The following DPYD variants were observed in gnomAD, a reference collection of about 807,000 sequenced individuals.
DPYD encodes dihydropyrimidine dehydrogenase, also known as dihydropyrimidine dehydrogenase [NADP(+)].
In DPYD, 109 loss-of-function variants were observed where a neutral mutation model predicts 116.2. The observed-to-expected ratio is 0.94, with a 90% confidence interval of 0.80 to 1.10. The LOEUF (loss-of-function observed/expected upper bound fraction) is 1.10, where lower values mean the gene tolerates loss of function less well. DPYD is among the 50% of genes least tolerant of loss of function. DPYD has a pLI of 0.00. For missense variants in DPYD, 1,302 were observed against 1,254.5 expected, an observed-to-expected ratio of 1.04 and a Z score of -0.57; for synonymous variants, 440 against 432.0, an observed-to-expected ratio of 1.02 and a Z score of -0.23.
chr1:97,612,074 A>C (rs2100750030), intron 8 of DPYD, among the ~76,000 whole-genome samples: 1 of 152,188 alleles, frequency 6.6e-6, no homozygotes, highest in South Asian at 2.1e-4. Context: ...TTTAGGATGT[A>C]TCCTATTTCC....
intron 12 of DPYD, among the ~76,000 whole-genome samples, chr1:97,517,681 A>G (rs1427245959): frequency 6.6e-6 from 1 of 152,110 alleles, no homozygotes; most frequent in East Asian, 1.9e-4. Context: ...TGTAAATTCA[A>G]TCAAGCAAGT....
intron 20 of DPYD, among the ~76,000 whole-genome samples, chr1:97,112,207 C>T (rs758132861): frequency 3.3e-5 from 5 of 151,934 alleles, no homozygotes; most frequent in Non-Finnish European, 7.4e-5. Flanking sequence ...CTTAATATTA[C>T]GATATAGTAA....
intron 16 of DPYD, among the ~76,000 whole-genome samples, chr1:97,357,621 G>A (rs529532104): frequency 6.6e-6 from 1 of 152,196 alleles, no homozygotes; most frequent in East Asian, 1.9e-4. Context: ...TGAGTTTTCT[G>A]TATAGCCTTC....
intron 11 of DPYD, among the ~76,000 whole-genome samples, chr1:97,554,100 C>A (rs1280941708): frequency 2.0e-5 from 3 of 152,024 alleles, no homozygotes; most frequent in African/African-American, 7.2e-5. Flanking sequence ...TTTATACAGA[C>A]TTAATGGTAT....
intron 13 of DPYD, among the ~76,000 whole-genome samples, chr1:97,510,144 C>T (rs868184): frequency 0.62 from 94,356 of 151,118 alleles, 29,650 homozygotes; most frequent in East Asian, 0.75. Context: ...GAGGAGAAAA[C>T]CAGTAGCCCA....
At chr1:97,355,944 C>T (rs1670406653) in intron 16 of DPYD, among the ~76,000 whole-genome samples, 1 of 152,116 alleles carries the variant, frequency 6.6e-6, no homozygotes, top group African/African-American at 2.4e-5. Flanking sequence ...TGCATAAATA[C>T]CCAGAAGTAG....
At chr1:97,439,808 A>G (rs1285520141) in intron 14 of DPYD, among the ~76,000 whole-genome samples, 1 of 151,914 alleles carries the variant, frequency 6.6e-6, no homozygotes, top group African/African-American at 2.4e-5. Context: ...AATGTAGGTC[A>G]TTAACTTGAG....
At chr1:97,552,631 AT>A (rs1396961527) in intron 11 of DPYD, among the ~76,000 whole-genome samples, 19 of 152,014 alleles carry the variant, frequency 1.2e-4, no homozygotes, top group Admixed American at 1.2e-3. Context: ...TTAATATTTG[AT>A]TTATTTATTC....
intron 7 of DPYD, among the ~76,000 whole-genome samples, chr1:97,681,629 TTAG>T (rs1238462431): frequency 1.3e-5 from 2 of 152,152 alleles, no homozygotes; most frequent in Non-Finnish European, 2.9e-5. Flanking sequence ...ACTATTAGAA[TTAG>T]TAGAATTCGA....
chr1:97,510,190 T>C (rs1647676245), intron 13 of DPYD, among the ~76,000 whole-genome samples: 2 of 151,270 alleles, frequency 1.3e-5, no homozygotes, highest in African/African-American at 4.9e-5. Context: ...GAGCCAACAG[T>C]AGATAGGAAA....
intron 2 of DPYD, among the ~76,000 whole-genome samples, chr1:97,867,648 A>G (rs759687283): frequency 6.6e-6 from 1 of 151,844 alleles, no homozygotes; most frequent in African/African-American, 2.4e-5. Context: ...TGATGCAGGA[A>G]AAAACATTGG....
At chr1:97,525,978 A>AGTGTGTGTGTGTGTGT (rs71071658) in intron 12 of DPYD, among the ~76,000 whole-genome samples, 34 of 138,226 alleles carry the variant, frequency 2.5e-4, no homozygotes, top group South Asian at 2.4e-3. Flanking sequence ...GGTAATTAAG[A>AGTGTGTGTGTGTGTGT]GTGTGTGTGT....
At chr1:97,724,746 T>C (rs1271156242) in intron 4 of DPYD, among the ~76,000 whole-genome samples, 1 of 151,520 alleles carries the variant, frequency 6.6e-6, no homozygotes, top group African/African-American at 2.4e-5. Context: ...CAAGATAAAA[T>C]TTAACCAAAT....
At chr1:97,528,449 C>A (rs778679396) in intron 12 of DPYD, among the ~76,000 whole-genome samples, 2 of 152,098 alleles carry the variant, frequency 1.3e-5, no homozygotes, top group Non-Finnish European at 2.9e-5. Flanking sequence ...GGCTCCATGG[C>A]ATAATGGTCA....
intron 16 of DPYD, among the ~76,000 whole-genome samples, chr1:97,372,017 T>TGCAC (rs1671334177): frequency 6.6e-6 from 1 of 152,150 alleles, no homozygotes; most frequent in Non-Finnish European, 1.5e-5. Context: ...CCAGAAAGGA[T>TGCAC]GCACCTAAGA....
chr1:97,086,276 C>A (rs1320666643), intron 21 of DPYD, among the ~76,000 whole-genome samples: 1 of 151,734 alleles, frequency 6.6e-6, no homozygotes, highest in Non-Finnish European at 1.5e-5. Flanking sequence ...TGGTCTCAAA[C>A]TCTTGACCTT....
At chr1:97,543,005 A>AC (rs953687767) in intron 12 of DPYD, among the ~76,000 whole-genome samples, 8 of 152,198 alleles carry the variant, frequency 5.3e-5, no homozygotes, top group Non-Finnish European at 1.0e-4. Flanking sequence ...CTAATAACCC[A>AC]CAACAATGGT....
intron 19 of DPYD, among the ~76,000 whole-genome samples, chr1:97,211,642 C>G (rs1337917456): frequency 6.6e-6 from 1 of 152,018 alleles, no homozygotes; most frequent in African/African-American, 2.4e-5. Flanking sequence ...TTGCAACATT[C>G]ATAAACATTT....
intron 18 of DPYD, among the ~76,000 whole-genome samples, chr1:97,270,126 A>G (rs1364639701): frequency 6.6e-6 from 1 of 152,202 alleles, no homozygotes; most frequent in Non-Finnish European, 1.5e-5. Flanking sequence ...GCATATAGAA[A>G]GCACTCTATT....
Sources: gnomAD v4.1 joint callset for allele counts (sites outside exome capture counted in the v4.1 genomes callset) on GRCh38, gnomAD v4.1.1 for gene constraint, MANE v1.5 for transcripts, NCBI Gene and HGNC (gene_info 2026-07-23, HGNC 2026-07-21) for gene names.